The following TPRG1 variants were observed in gnomAD, a reference collection of about 807,000 sequenced individuals.
TPRG1 encodes the protein tumor protein p63 regulated 1, also known as tumor protein p63-regulated gene 1 protein.
A neutral mutation model predicts 29.3 loss-of-function variants in TPRG1; 29 were observed. The ratio of observed to expected loss-of-function variants is 0.99; its 90% CI spans 0.74 to 1.35. The LOEUF (loss-of-function observed/expected upper bound fraction) is 1.35, where lower values mean the gene tolerates loss of function less well. Among genes scored for constraint, TPRG1 ranks in the 40% most tolerant of loss-of-function variants. The pLI is 0.00. For missense variants in TPRG1, 327 were observed against 335.0 expected (o/e 0.98, Z 0.19); for synonymous variants, 130 against 116.8 (o/e 1.11, Z -0.73).
At position 189,110,901 on chromosome 3, in the gene TPRG1, G is replaced by T. The variant is rs1353965314; in HGVS notation, c.-744+10697G>T. Among the ~76,000 whole-genome samples, 4 of 151,376 alleles carry T rather than the reference G, an allele frequency of 2.6e-5. No homozygotes were observed. The East Asian group carries it at 7.7e-4, about 29-fold the overall frequency. On this transcript the variant is annotated intron_variant, in intron 1 of 6. Transcript: ENST00000412373. ...TGGATCTGCTTTTGGAGTCTCCACT[G>T]TGTTCATATATATTTATATTATATA...
intron 4 of TPRG1, among the ~76,000 whole-genome samples, chr3:189,025,759 G>C (rs1030853980): frequency 5.3e-5 from 8 of 152,046 alleles, no homozygotes; most frequent in Non-Finnish European, 1.2e-4. Flanking sequence ...TATTCTCTAG[G>C]GTATAAGAGA....
chr3:189,070,681 A>C (rs1009989537), intron 4 of TPRG1, among the ~76,000 whole-genome samples: 1 of 152,208 alleles, frequency 6.6e-6, no homozygotes, highest in Non-Finnish European at 1.5e-5. Flanking sequence ...TTTTATTAAA[A>C]AAATTCTTCG....
At chr3:189,246,870 T>C (rs1258234792) in intron 4 of TPRG1, among the ~76,000 whole-genome samples, 1 of 152,184 alleles carries the variant, frequency 6.6e-6, no homozygotes, top group Non-Finnish European at 1.5e-5. Flanking sequence ...TTTGAACTGC[T>C]ATTCCTCTTT....
chr3:189,290,967 A>T (rs1718899492), intron 4 of TPRG1, among the ~76,000 whole-genome samples: 1 of 151,988 alleles, frequency 6.6e-6, no homozygotes. Context: ...CAGTGGCCCG[A>T]TCTCCACTCA....
intron 5 of TPRG1, among the ~76,000 whole-genome samples, chr3:189,156,951 C>T (rs577040501): frequency 4.7e-4 from 71 of 152,054 alleles, no homozygotes; most frequent in Non-Finnish European, 9.1e-4. Context: ...TGAAATAGTC[C>T]CCAACGACCA....
intron 1 of TPRG1, among the ~76,000 whole-genome samples, chr3:189,199,554 C>T (rs1430649912): frequency 6.6e-6 from 1 of 152,122 alleles, no homozygotes; most frequent in African/African-American, 2.4e-5. Context: ...AGAGTAGTAT[C>T]CAGGGCCGGG....
intron 5 of TPRG1, among the ~76,000 whole-genome samples, chr3:189,317,998 G>A (rs748802167): frequency 6.6e-6 from 1 of 152,118 alleles, no homozygotes; most frequent in Non-Finnish European, 1.5e-5. Context: ...TAGTCACAGG[G>A]TCTCTATGAG....
chr3:189,042,911 T>G (rs1034688438), intron 4 of TPRG1, among the ~76,000 whole-genome samples: 1 of 152,106 alleles, frequency 6.6e-6, no homozygotes, highest in Non-Finnish European at 1.5e-5. Context: ...GAAACCCTGG[T>G]CTCAACCCAA....
At position 189,019,623 on chromosome 3, in the gene TPRG1, A is replaced by G. The variant is rs1231007019; in HGVS notation, c.-659-4127A>G. 2.0e-5 allele frequency among the ~76,000 whole-genome samples: 3 copies of G among 152,022 alleles called. No homozygotes were observed. The South Asian group carries it at 6.2e-4, about 32-fold the overall frequency. On this transcript the variant is annotated intron_variant, in intron 3 of 10. Transcript: ENST00000433971. ...GATAAGCTTTTTGATGTGCTGCTGGATTTGTTTTGCCAGTATTTTATTGAG... is the reference window on the plus strand; with the variant it reads ...GATAAGCTTTTTGATGTGCTGCTGGGTTTGTTTTGCCAGTATTTTATTGAG...
chr3:189,248,485 G>A (rs1741685018), intron 4 of TPRG1, among the ~76,000 whole-genome samples: 1 of 150,910 alleles, frequency 6.6e-6, no homozygotes, highest in Non-Finnish European at 1.5e-5. Context: ...TCTGTATTAT[G>A]TATTAATTCT....
chr3:189,274,374 A>T (rs1394736854), intron 4 of TPRG1, among the ~76,000 whole-genome samples: 1 of 151,722 alleles, frequency 6.6e-6, no homozygotes, highest in Admixed American at 6.6e-5. Flanking sequence ...TTTTTCCTGG[A>T]TTGGGAAAAA....
intron 4 of TPRG1, among the ~76,000 whole-genome samples, chr3:189,250,747 TAAAAAA>T (rs139028462): frequency 8.1e-6 from 1 of 122,702 alleles, no homozygotes; most frequent in African/African-American, 3.0e-5. Flanking sequence ...TTCCCTTGTT[TAAAAAA>T]AAAAAAAAAA....
intron 4 of TPRG1, among the ~76,000 whole-genome samples, chr3:189,292,294 T>G (rs1257010560): frequency 2.7e-5 from 4 of 147,300 alleles, no homozygotes; most frequent in Admixed American, 2.7e-4. Flanking sequence ...AGTTTTTGCT[T>G]TTTTTTTTTT....
chr3:189,269,866 C>A (rs929640001), intron 4 of TPRG1, among the ~76,000 whole-genome samples: 7 of 152,020 alleles, frequency 4.6e-5, no homozygotes, highest in Non-Finnish European at 8.8e-5. Context: ...CAAATTCTAG[C>A]ATTTTTTGGT....
In TPRG1 at chr3:189,303,537, A is replaced by AT. The variant is rs543245343; in HGVS notation, c.480-6840dup. Among the ~76,000 whole-genome samples the AT allele has an allele frequency of 6.4e-3, 961 of 151,164 alleles. 7 individuals carry two copies. Among genetic ancestry groups the AT allele is most frequent in the Middle Eastern group, 0.014 (4 of 292 alleles). Reference sequence around the variant, plus strand: ...CTATAAATGCAAGGATTTGAACCACATTTTTTTTTGACTACCAGTCCAGGG... The same window carrying AT: ...CTATAAATGCAAGGATTTGAACCACATTTTTTTTTTGACTACCAGTCCAGGG... On this transcript the variant is annotated intron_variant, in intron 4 of 5. Coordinates refer to ENST00000345063, the MANE Select transcript of TPRG1 (RefSeq NM_198485.4).
intron 4 of TPRG1, among the ~76,000 whole-genome samples, chr3:189,071,421 A>AG (rs1716806309): frequency 6.6e-6 from 1 of 152,188 alleles, no homozygotes; most frequent in East Asian, 1.9e-4. Flanking sequence ...ACACACACAC[A>AG]CACACAAAGT....
chr3:189,013,056 C>G (rs1288871338), intron 3 of TPRG1, among the ~76,000 whole-genome samples: 1 of 43,632 alleles, frequency 2.3e-5, no homozygotes, highest in Non-Finnish European at 1.5e-4. Flanking sequence ...TTCTTGCCTT[C>G]TGCTAGCTTT....
chr3:189,146,840 T>G (rs1027240900), intron 3 of TPRG1, among the ~76,000 whole-genome samples: 10 of 152,256 alleles, frequency 6.6e-5, no homozygotes, highest in Non-Finnish European at 1.3e-4. Flanking sequence ...TTTCCAAAGC[T>G]GGGCTGAATG....
At chr3:189,207,186 CA>C in intron 1 of TPRG1, 189 bp from the exon 2 acceptor site, 1 of 984,458 alleles carries the variant, frequency 1.0e-6, no homozygotes, top group Non-Finnish European at 1.2e-6. Context: ...AATGACCTTG[CA>C]GGATTGTGGA....
Sources: gnomAD v4.1 joint callset for allele counts (sites outside exome capture counted in the v4.1 genomes callset) on GRCh38, gnomAD v4.1.1 for gene constraint, MANE v1.5 for transcripts, NCBI Gene and HGNC (gene_info 2026-07-23, HGNC 2026-07-21) for gene names.